Variants in ZNF846 observed in about 807,000 individuals in gnomAD.
ZNF846 encodes the protein zinc finger protein 846.
ZNF846 carries 15 observed loss-of-function variants against 16.0 expected under a neutral mutation model. The ratio of observed to expected loss-of-function variants is 0.94; its 90% CI spans 0.63 to 1.45. The LOEUF is 1.45. Among genes scored for constraint, ZNF846 ranks in the 40% most tolerant of loss-of-function variants. The pLI, the probability that ZNF846 is intolerant of heterozygous loss-of-function variation, is 0.00. For synonymous variants in ZNF846, 229 were observed against 212.0 expected (o/e 1.08, Z -0.70); for missense variants, 714 against 622.3 (o/e 1.15, Z -1.57).
intron 1 of ZNF846, among the ~76,000 whole-genome samples, chr19:9,766,644 G>A (rs534901033): frequency 1.9e-4 from 29 of 151,896 alleles, no homozygotes; most frequent in South Asian, 6.2e-4. Context: ...TTGGGAGGCC[G>A]AGGTGAGTGG....
In ZNF846 at chr19:9,758,221, C is replaced by CTAA. The variant is rs762461678; in HGVS notation, c.855_856insTTA (p.Lys285_Glu286insLeu). The CTAA allele has an allele frequency of 3.7e-6, 6 of 1,613,236 alleles. No individual in the cohort carries two copies. In the South Asian group the frequency reaches 5.5e-5, roughly 15 times the overall value. On this transcript the variant is annotated inframe_insertion, in exon 6 of 6. Transcript: ENST00000397902. ...GAATGGGTGAAGGCTTTCCCACACT[C>CTAA]TTTACATTTATATGGTTTTTCTCCA...
At chr19:9,776,662 G>A (rs959703838) in intron 1 of ZNF846, among the ~76,000 whole-genome samples, 5 of 152,162 alleles carry the variant, frequency 3.3e-5, no homozygotes, top group African/African-American at 1.2e-4. Flanking sequence ...CGGTCCCCCA[G>A]GCCCAGCTGT....
intron 2 of ZNF846, 22 bp downstream of exon 2, chr19:9,764,914 G>A (rs1368189864): frequency 6.2e-7 from 1 of 1,613,822 alleles, no homozygotes; most frequent in South Asian, 1.1e-5. Flanking sequence ...ACATTTTGAA[G>A]TTAGGTCTGC....
intron 1 of ZNF846, among the ~76,000 whole-genome samples, chr19:9,767,433 G>A (rs2045334939): frequency 1.8e-5 from 2 of 111,106 alleles, no homozygotes; most frequent in African/African-American, 6.9e-5. Flanking sequence ...TACCGCACCC[G>A]GCCAATACAC....
At chr19:9,763,932 A>G (rs922754639) in intron 2 of ZNF846, among the ~76,000 whole-genome samples, 2 of 152,234 alleles carry the variant, frequency 1.3e-5, no homozygotes, top group Admixed American at 1.3e-4. Context: ...GATTACTGTA[A>G]ATACAAAATT....
At chr19:9,783,538 A>ATATATATATATATATAT (rs1214845852) in intron 1 of ZNF846, among the ~76,000 whole-genome samples, 1 of 115,462 alleles carries the variant, frequency 8.7e-6, no homozygotes, top group African/African-American at 4.3e-5. Flanking sequence ...AAAAAAAAAA[A>ATATATATATATATATAT]AAAAAAATAT....
chr19:9,774,956 AC>A (rs1389262691), intron 1 of ZNF846: 31 of 1,608,874 alleles, frequency 1.9e-5, no homozygotes, highest in Non-Finnish European at 2.5e-5. Flanking sequence ...TGACCTGTGG[AC>A]TAAAATCTGC....
chr19:9,751,372 CTTATT>C (rs774333090), downstream of ZNF846, among the ~76,000 whole-genome samples: 55 of 152,196 alleles, frequency 3.6e-4, no homozygotes, highest in African/African-American at 1.3e-3. Context: ...TTTCACTATT[CTTATT>C]TTATTTATTA....
At chr19:9,773,515 C>G (rs2045406994), upstream of ZNF846, among the ~76,000 whole-genome samples, 1 of 152,154 alleles carries the variant, frequency 6.6e-6, no homozygotes, top group Non-Finnish European at 1.5e-5. Context: ...GGCACGGTGG[C>G]TCACACCTGT....
At chr19:9,780,598 C>T (rs938165941) in intron 1 of ZNF846, among the ~76,000 whole-genome samples, 19 of 152,010 alleles carry the variant, frequency 1.2e-4, no homozygotes, top group Non-Finnish European at 2.4e-4. Flanking sequence ...TACAGGTGTG[C>T]ACCATCATGC....
At chr19:9,767,184 G>A (rs1440960094) in intron 1 of ZNF846, among the ~76,000 whole-genome samples, 1 of 151,768 alleles carries the variant, frequency 6.6e-6, no homozygotes, top group Non-Finnish European at 1.5e-5. Flanking sequence ...TGCCCAGGCT[G>A]TAGTGCATTG....
At chr19:9,761,996 G>T in intron 4 of ZNF846, 86 bp downstream of exon 4, 1 of 1,174,676 alleles carries the variant, frequency 8.5e-7, no homozygotes, top group Non-Finnish European at 1.3e-6. Context: ...ACCCTGAGAA[G>T]TTCGCAAAGT....
chr19:9,778,484 G>A (rs576692755), intron 1 of ZNF846, among the ~76,000 whole-genome samples: 2 of 152,220 alleles, frequency 1.3e-5, no homozygotes, highest in South Asian at 2.1e-4. Context: ...TACAGAAAAT[G>A]CAGGTGACAG....
downstream of ZNF846, chr19:9,756,050 G>A (rs981153702): frequency 6.7e-6 from 1 of 148,410 alleles, no homozygotes; most frequent in African/African-American, 2.5e-5. Context: ...CATGTTGGCA[G>A]GCTGGTCTCA....
chr19:9,760,835 A>T (rs779681082), intron 4 of ZNF846, among the ~76,000 whole-genome samples: 4 of 151,708 alleles, frequency 2.6e-5, no homozygotes, highest in Non-Finnish European at 4.4e-5. Context: ...AAAGCAAATT[A>T]GTCTCTGTAG....
chr19:9,759,334 G>A (rs1270913275), intron 5 of ZNF846, among the ~76,000 whole-genome samples: 3 of 151,380 alleles, frequency 2.0e-5, no homozygotes, highest in African/African-American at 7.3e-5. Flanking sequence ...GGGCACAGTG[G>A]CTCATGACTG....
intron 1 of ZNF846, among the ~76,000 whole-genome samples, chr19:9,784,596 T>C (rs546397337): frequency 4.3e-4 from 66 of 152,050 alleles, no homozygotes; most frequent in Non-Finnish European, 8.8e-4. Context: ...CTTTCACTAA[T>C]CCTCCTCAGC....
upstream of ZNF846, among the ~76,000 whole-genome samples, chr19:9,773,208 G>A (rs1026635220): frequency 2.0e-5 from 3 of 152,124 alleles, no homozygotes; most frequent in African/African-American, 7.2e-5. Flanking sequence ...TATTATTGTT[G>A]TTTGAGATAG....
chr19:9,784,412 A>G (rs2045537357), intron 1 of ZNF846, among the ~76,000 whole-genome samples: 1 of 152,234 alleles, frequency 6.6e-6, no homozygotes, highest in African/African-American at 2.4e-5. Context: ...CACTTTACAC[A>G]AACATCTCAG....
Sources: allele counts gnomAD v4.1 joint callset (sites outside exome capture counted in the v4.1 genomes callset), GRCh38; gene constraint gnomAD v4.1.1; transcripts MANE v1.5; gene names NCBI Gene and HGNC (gene_info 2026-07-23, HGNC 2026-07-21).